Variants in CHRM3 observed in about 807,000 individuals in gnomAD.
CHRM3 encodes muscarinic acetylcholine receptor M3.
CHRM3 carries 11 observed loss-of-function variants against 41.8 expected under a neutral mutation model. The observed-to-expected ratio is 0.26, with a 90% CI of 0.17 to 0.44. The LOEUF (loss-of-function observed/expected upper bound fraction) is 0.44. Ranked by LOEUF, CHRM3 falls within the 20% of genes least tolerant of loss-of-function variation. The pLI is 1.00. For missense variants in CHRM3, 571 were observed against 745.4 expected (o/e 0.77, Z 2.72); for synonymous variants, 297 against 301.4 (o/e 0.99, Z 0.15).
At chr1:239,419,768 C>G (rs763483007) in intron 1 of CHRM3, among the ~76,000 whole-genome samples, 1 of 152,132 alleles carries the variant, frequency 6.6e-6, no homozygotes, top group African/African-American at 2.4e-5. Context: ...AATGAAAATA[C>G]CTTCAGCCTT....
intron 4 of CHRM3, among the ~76,000 whole-genome samples, chr1:239,669,392 A>C (rs912965628): frequency 6.6e-6 from 1 of 151,770 alleles, no homozygotes; most frequent in Admixed American, 6.6e-5. Flanking sequence ...TTGTTGTTTT[A>C]TTTTTTCCTT....
intron 2 of CHRM3, among the ~76,000 whole-genome samples, chr1:239,503,943 T>C (rs1486309027): frequency 1.3e-5 from 2 of 152,138 alleles, no homozygotes; most frequent in Non-Finnish European, 2.9e-5. Context: ...TTAAATCTAA[T>C]ACCTGAAACT....
At position 239,555,877 on chromosome 1, in the gene CHRM3, C is replaced by T. The variant is rs78538354; in HGVS notation, c.-313+10128C>T. On this transcript the variant is annotated intron_variant, in intron 3 of 6. Transcript: ENST00000676153. ...TCATGTGCTAAGCACCAAGGTGGAG[C>T]TCACCTGTCCTGCATCAAAAGGAAC... 7.6e-3 allele frequency among the ~76,000 whole-genome samples: 1,157 copies of T among 152,304 alleles called. 19 individuals carry two copies. Among genetic ancestry groups the T allele is most frequent in the East Asian group, 0.032 (165 of 5,170 alleles).
chr1:239,619,720 C>T (rs1668146545), intron 3 of CHRM3, among the ~76,000 whole-genome samples: 1 of 152,056 alleles, frequency 6.6e-6, no homozygotes, highest in Non-Finnish European at 1.5e-5. Context: ...CCCCCATAAA[C>T]ACCATTATTT....
At position 239,749,029 on chromosome 1, in the gene CHRM3, C is replaced by T. The variant is rs541336446; in HGVS notation, c.-147+70741C>T. Among the ~76,000 whole-genome samples, 30 of 152,258 alleles carry T rather than the reference C, an allele frequency of 2.0e-4. No individual in the cohort carries two copies. The South Asian group carries it at 5.6e-3, about 28-fold the overall frequency. ...GGGAAAACCTGGGGTCTGAGCCGTACGGTCACCAGGACCACAGACTGTTTT... is the reference window on the plus strand; with the variant it reads ...GGGAAAACCTGGGGTCTGAGCCGTATGGTCACCAGGACCACAGACTGTTTT... On this transcript the variant is annotated intron_variant, in intron 5 of 6. Transcript: ENST00000676153.
At chr1:239,506,953 C>T (rs948515156) in intron 2 of CHRM3, among the ~76,000 whole-genome samples, 1 of 152,086 alleles carries the variant, frequency 6.6e-6, no homozygotes, top group Non-Finnish European at 1.5e-5. Context: ...GCCTGTACCC[C>T]CTTTGTTTTG....
chr1:239,581,025 G>A (rs558920486), intron 3 of CHRM3, among the ~76,000 whole-genome samples: 1 of 151,748 alleles, frequency 6.6e-6, no homozygotes, highest in African/African-American at 2.4e-5. Context: ...ATACTGCAAA[G>A]TTGCATTTTG....
At chr1:239,718,342 G>A (rs539709077) in intron 5 of CHRM3, among the ~76,000 whole-genome samples, 22 of 152,098 alleles carry the variant, frequency 1.4e-4, no homozygotes, top group East Asian at 1.2e-3. Context: ...TTACACTAGC[G>A]CTATACAAAC....
At chr1:239,662,451 GTA>G (rs1048421802) in intron 4 of CHRM3, among the ~76,000 whole-genome samples, 2 of 152,190 alleles carry the variant, frequency 1.3e-5, no homozygotes, top group Admixed American at 1.3e-4. Flanking sequence ...TCATTTATCG[GTA>G]TTTCTGATTT....
intron 5 of CHRM3, among the ~76,000 whole-genome samples, chr1:239,772,461 T>C (rs1225438974): frequency 1.3e-5 from 2 of 152,264 alleles, no homozygotes; most frequent in African/African-American, 2.4e-5. Flanking sequence ...TATACTTCCT[T>C]GTTATTTAAA....
chr1:239,638,688 G>T (rs1422970043), intron 4 of CHRM3, among the ~76,000 whole-genome samples: 1 of 152,038 alleles, frequency 6.6e-6, no homozygotes, highest in Admixed American at 6.6e-5. Flanking sequence ...AGTAGGTTGC[G>T]AAAATTTTCT....
chr1:239,743,788 C>CTTTTTTTTTTTTTTTTTTTTTTTT (rs10718514), intron 5 of CHRM3, among the ~76,000 whole-genome samples: 55 of 81,190 alleles, frequency 6.8e-4, no homozygotes, highest in Non-Finnish European at 8.5e-4. Context: ...TTTTTTTTTT[C>CTTTTTTTTTTTTTTTTTTTTTTTT]TTTTTTTTTT....
At chr1:239,434,738 A>G in intron 1 of CHRM3, among the ~76,000 whole-genome samples, 1 of 152,162 alleles carries the variant, frequency 6.6e-6, no homozygotes, top group East Asian at 1.9e-4. Flanking sequence ...TGCTAGCATA[A>G]TTGCTTGGTG....
chr1:239,553,943 C>T (rs1393873169), intron 3 of CHRM3, among the ~76,000 whole-genome samples: 1 of 152,122 alleles, frequency 6.6e-6, no homozygotes, highest in African/African-American at 2.4e-5. Flanking sequence ...GGCTAGAGTG[C>T]AGTGGCATGA....
At chr1:239,390,517 T>G in intron 1 of CHRM3, among the ~76,000 whole-genome samples, 1 of 152,158 alleles carries the variant, frequency 6.6e-6, no homozygotes, top group East Asian at 1.9e-4. Context: ...AGCAGAGTAT[T>G]TCTTCAAATC....
chr1:239,870,639 AG>A (rs1026320885), intron 6 of CHRM3, among the ~76,000 whole-genome samples: 64 of 152,276 alleles, frequency 4.2e-4, no homozygotes, highest in African/African-American at 1.4e-3. Context: ...AGGAAACAAA[AG>A]TACCTCCTCT....
intron 1 of CHRM3, among the ~76,000 whole-genome samples, chr1:239,450,611 C>T (rs573500826): frequency 8.5e-5 from 13 of 152,130 alleles, no homozygotes; most frequent in African/African-American, 2.4e-4. Flanking sequence ...TATTCTTGTC[C>T]GGATCTAATA....
At chr1:239,646,363 A>T (rs1020753024) in intron 4 of CHRM3, among the ~76,000 whole-genome samples, 5 of 152,204 alleles carry the variant, frequency 3.3e-5, no homozygotes, top group Non-Finnish European at 7.3e-5. Context: ...CGTATTTTTT[A>T]AAATGCTATG....
chr1:239,613,686 G>C (rs1200429263), intron 3 of CHRM3, among the ~76,000 whole-genome samples: 1 of 152,184 alleles, frequency 6.6e-6, no homozygotes, highest in East Asian at 1.9e-4. Flanking sequence ...ACCTGTCTTT[G>C]TCTCTCCCCC....
Sources: gnomAD v4.1 joint callset for allele counts (sites outside exome capture counted in the v4.1 genomes callset) on GRCh38, gnomAD v4.1.1 for gene constraint, MANE v1.5 for transcripts, NCBI Gene and HGNC (gene_info 2026-07-23, HGNC 2026-07-21) for gene names.